Variants in NMS observed in about 807,000 individuals in gnomAD.
The protein encoded by NMS is neuromedin-S.
A neutral mutation model predicts 32.2 loss-of-function variants in NMS; 30 were observed. The observed-to-expected ratio is 0.93, with a 90% confidence interval of 0.70 to 1.26. The LOEUF (loss-of-function observed/expected upper bound fraction) is 1.26. Among genes scored for constraint, NMS ranks in the 50% most tolerant of loss-of-function variants. The probability of loss-of-function intolerance (pLI) is 0.00; values close to 1 mark genes in which losing one functional copy is unlikely to be tolerated. For missense variants in NMS, 190 were observed against 186.3 expected (o/e 1.02, Z -0.12); for synonymous variants, 76 against 58.5 (o/e 1.30, Z -1.37).
rs752184149 is a variant in NMS at position 100,477,283 on chromosome 2, C to A, written c.207+16C>A. The A allele has an allele frequency of 6.2e-7, 1 of 1,612,022 alleles. No individual in the cohort carries two copies. The highest frequency in any genetic ancestry group is 2.2e-5 in the East Asian group (1 of 44,866). The stretch of plus-strand genomic sequence containing the variant: ...ATACAAAAGGGTGAGTACCACCTAG[C>A]CCTGTACAAGTGCATGCAGCTTCCA... On this transcript the variant is annotated intron_variant, in intron 4 of 9. Coordinates refer to ENST00000376865, the MANE Select transcript of NMS (RefSeq NM_001011717.1).
At chr2:100,475,590 G>C (rs1325230478) in intron 3 of NMS, among the ~76,000 whole-genome samples, 2 of 152,180 alleles carry the variant, frequency 1.3e-5, no homozygotes, top group Non-Finnish European at 2.9e-5. Context: ...CCAGGTGCTA[G>C]GGATGGGGTA....
At chr2:100,471,538 G>C (rs1029464351) in intron 1 of NMS, among the ~76,000 whole-genome samples, 4 of 152,102 alleles carry the variant, frequency 2.6e-5, no homozygotes, top group Non-Finnish European at 5.9e-5. Flanking sequence ...CTTTGCTCCA[G>C]TAGAGTCCTG....
At chr2:100,471,768 T>C (rs1677010702) in intron 1 of NMS, among the ~76,000 whole-genome samples, 1 of 152,246 alleles carries the variant, frequency 6.6e-6, no homozygotes, top group Non-Finnish European at 1.5e-5. Context: ...TAGGCTAAGC[T>C]TAAGTGTGAT....
intron 2 of NMS, 119 bp downstream of exon 2, chr2:100,472,969 C>A: frequency 4.9e-6 from 3 of 615,202 alleles, no homozygotes; most frequent in Non-Finnish European, 8.5e-6. Flanking sequence ...CAGAAACTCA[C>A]TGTTGCCATT....
In NMS at chr2:100,482,743, C is replaced by T. The variant is rs534722386; in HGVS notation, c.449+432C>T. On this transcript the variant is annotated intron_variant, in intron 9 of 9. Coordinates refer to ENST00000376865, the MANE Select transcript of NMS (RefSeq NM_001011717.1). ...CCTACAGTGAGATCATTTCTAAGTA[C>T]GGCCAGGCAAGGCTGTTTCCCCCTT... Among the ~76,000 whole-genome samples the T allele has an allele frequency of 6.6e-5, 10 of 152,302 alleles. No homozygotes were observed. In the East Asian group the frequency reaches 1.4e-3, roughly 21 times the overall value.
chr2:100,478,164 G>A (rs1025802571), intron 5 of NMS, among the ~76,000 whole-genome samples: 5 of 152,082 alleles, frequency 3.3e-5, no homozygotes, highest in Admixed American at 1.3e-4. Flanking sequence ...GTTTCACCAT[G>A]TTGGCCAGGC....
chr2:100,482,939 C>A (rs1183151822), intron 9 of NMS, among the ~76,000 whole-genome samples: 1 of 152,146 alleles, frequency 6.6e-6, no homozygotes, highest in East Asian at 1.9e-4. Flanking sequence ...CAGCAGGGGT[C>A]AGTAGTCAGG....
intron 5 of NMS, among the ~76,000 whole-genome samples, chr2:100,478,283 G>A (rs1677151605): frequency 6.6e-6 from 1 of 152,054 alleles, no homozygotes; most frequent in African/African-American, 2.4e-5. Flanking sequence ...TTTAATTCAG[G>A]TACCCTGTCA....
chr2:100,471,620 A>AT (rs1434100202), intron 1 of NMS, among the ~76,000 whole-genome samples: 1 of 151,766 alleles, frequency 6.6e-6, no homozygotes, highest in Non-Finnish European at 1.5e-5. Context: ...TCACCTCCCT[A>AT]TTTTTTCCTG....
chr2:100,472,969 C>T, intron 2 of NMS, 119 bp downstream of exon 2: 1 of 615,204 alleles, frequency 1.6e-6, no homozygotes, highest in Non-Finnish European at 2.8e-6. Flanking sequence ...CAGAAACTCA[C>T]TGTTGCCATT....
chr2:100,480,388 C>A, intron 6 of NMS, 108 bp from the exon 7 acceptor site: 3 of 1,154,916 alleles, frequency 2.6e-6, no homozygotes, highest in Admixed American at 3.6e-5. Flanking sequence ...TTGCACCAGA[C>A]TTCTGACTAT....
Position 100,480,496 on chromosome 2 carries a change from G to T in NMS, c.337G>T (p.Gly113Cys), listed in dbSNP as rs202227228. The T allele has an allele frequency of 6.2e-7, 1 of 1,613,596 alleles. No individual in the cohort carries two copies. Among genetic ancestry groups the T allele is most frequent in the Non-Finnish European group, 8.5e-7 (1 of 1,179,962 alleles). ...NRRMKRILQR[G>C]SGTAAVDFTK... ...TAACCTGTGCCTCATTTCCTTGCAG[G>T]GCTCGGGGACTGCTGCAGTGGACTT... Residue 113 changes from glycine to cysteine, a missense_variant and splice_region_variant, in exon 7 of 10, where the codon GGC becomes TGC. Transcript: ENST00000376865.
intron 1 of NMS, 29 bp from the exon 2 acceptor site, chr2:100,472,766 A>G (rs763511639): frequency 1.4e-6 from 2 of 1,468,998 alleles, no homozygotes; most frequent in Non-Finnish European, 1.9e-6. Flanking sequence ...CTTTTCTCTA[A>G]TTAATAATTT....
intron 6 of NMS, among the ~76,000 whole-genome samples, chr2:100,479,930 G>A (rs1299277896): frequency 1.3e-5 from 2 of 152,094 alleles, no homozygotes; most frequent in Admixed American, 6.5e-5. Flanking sequence ...TAAACAAATA[G>A]CAAGAGAGAA....
Position 100,476,784 on chromosome 2 carries a change from G to A in NMS, c.184-460G>A, listed in dbSNP as rs1245303521. Among the ~76,000 whole-genome samples, 5 of 152,138 alleles carry A rather than the reference G, an allele frequency of 3.3e-5. No homozygotes were observed. The South Asian group carries it at 8.3e-4, about 25-fold the overall frequency. The stretch of plus-strand genomic sequence containing the variant: ...CGTGCACTGGCAAGGATTTAGAAAC[G>A]GAAAATTGGACTTTCTGCAAGGATA... On this transcript the variant is annotated intron_variant, in intron 3 of 9. Transcript: ENST00000376865.
At chr2:100,480,327 A>C (rs1292563869) in intron 6 of NMS, among the ~76,000 whole-genome samples, 169 bp from the exon 7 acceptor site, 2 of 152,250 alleles carry the variant, frequency 1.3e-5, no homozygotes, top group East Asian at 3.8e-4. Flanking sequence ...AGCTTGCTAG[A>C]GAAGATCACG....
chr2:100,482,552 A>G (rs1235976868), intron 9 of NMS, among the ~76,000 whole-genome samples: 1 of 151,760 alleles, frequency 6.6e-6, no homozygotes, highest in East Asian at 1.9e-4. Flanking sequence ...TTCCATGCCC[A>G]GCTCTTCGGA....
At chr2:100,473,942 C>T (rs567682850) in intron 3 of NMS, among the ~76,000 whole-genome samples, 3 of 152,234 alleles carry the variant, frequency 2.0e-5, no homozygotes, top group South Asian at 2.1e-4. Context: ...CTTTGGGAGG[C>T]CGAGCTGGGC....
At chr2:100,479,301 C>T (rs1677170950) in intron 5 of NMS, 52 bp from the exon 6 acceptor site, 1 of 1,360,500 alleles carries the variant, frequency 7.4e-7, no homozygotes, top group African/African-American at 1.5e-5. Flanking sequence ...TCTCAAAATA[C>T]CCCTCTGTGG....
Sources: gnomAD v4.1 joint callset for allele counts (sites outside exome capture counted in the v4.1 genomes callset) on GRCh38, gnomAD v4.1.1 for gene constraint, MANE v1.5 for transcripts, NCBI Gene and HGNC (gene_info 2026-07-23, HGNC 2026-07-21) for gene names.